Variants in SUMF1 observed in about 807,000 individuals in gnomAD.
SUMF1 encodes formylglycine-generating enzyme.
In SUMF1, 48 loss-of-function variants were observed where a neutral mutation model predicts 47.6. The ratio of observed to expected loss-of-function variants is 1.01; its 90% CI spans 0.80 to 1.28. The LOEUF (loss-of-function observed/expected upper bound fraction) is 1.28. Ranked by LOEUF, SUMF1 falls within the 50% of genes most tolerant of loss-of-function variation. The probability of loss-of-function intolerance (pLI) is 0.00; values close to 1 mark genes in which losing one functional copy is unlikely to be tolerated. For synonymous variants in SUMF1, 230 were observed against 192.1 expected (o/e 1.20, Z -1.63); for missense variants, 571 against 485.4 (o/e 1.18, Z -1.66).
At chr3:4,175,444 G>A (rs961837090) in intron 8 of SUMF1, among the ~76,000 whole-genome samples, 2 of 152,104 alleles carry the variant, frequency 1.3e-5, no homozygotes, top group African/African-American at 4.8e-5. Flanking sequence ...TGCAGCTGAG[G>A]GACCTGACTG....
chr3:4,188,179 CTT>C (rs112944580), intron 8 of SUMF1, among the ~76,000 whole-genome samples: 32 of 144,506 alleles, frequency 2.2e-4, no homozygotes, highest in African/African-American at 4.1e-4. Context: ...TTAGGGTTCA[CTT>C]TTTTTTTTTT....
At chr3:4,354,058 T>G (rs551597124) in intron 8 of SUMF1, among the ~76,000 whole-genome samples, 165 of 152,212 alleles carry the variant, frequency 1.1e-3, no homozygotes, top group Middle Eastern at 3.4e-3. Flanking sequence ...TCTCACTATG[T>G]TGCCTAGGCT....
At chr3:4,146,515 C>T (rs1694196573) in intron 8 of SUMF1, among the ~76,000 whole-genome samples, 2 of 151,932 alleles carry the variant, frequency 1.3e-5, no homozygotes, top group African/African-American at 2.4e-5. Context: ...TTATAGATAG[C>T]ACCAAGACTC....
intron 8 of SUMF1, among the ~76,000 whole-genome samples, chr3:4,137,185 A>C (rs1169128866): frequency 6.6e-6 from 1 of 151,970 alleles, no homozygotes; most frequent in Non-Finnish European, 1.5e-5. Context: ...ATGTTTACTG[A>C]GGCACTATTC....
intron 8 of SUMF1, among the ~76,000 whole-genome samples, chr3:4,211,201 TAC>T (rs559565411): frequency 0.11 from 10,935 of 103,506 alleles, 1,051 homozygotes; most frequent in South Asian, 0.19. Context: ...TATACATACA[TAC>T]ATATATATAT....
chr3:4,181,458 C>T (rs1484464949), intron 8 of SUMF1, among the ~76,000 whole-genome samples: 5 of 152,222 alleles, frequency 3.3e-5, no homozygotes, highest in South Asian at 2.1e-4. Context: ...TTTCAGTCTA[C>T]GTAAAGAGGC....
intron 6 of SUMF1, among the ~76,000 whole-genome samples, chr3:4,412,436 C>A: frequency 6.6e-6 from 1 of 152,056 alleles, no homozygotes; most frequent in Admixed American, 6.5e-5. Context: ...CAAAAGAGAA[C>A]GAAGAGGCCA....
chr3:4,260,064 G>A (rs898525399), intron 8 of SUMF1, among the ~76,000 whole-genome samples: 2 of 151,746 alleles, frequency 1.3e-5, no homozygotes, highest in Admixed American at 6.6e-5. Context: ...CAATAATTCA[G>A]GAATAATGAA....
chr3:4,415,331 C>A (rs1701677358), intron 6 of SUMF1, among the ~76,000 whole-genome samples: 2 of 151,872 alleles, frequency 1.3e-5, no homozygotes, highest in South Asian at 2.1e-4. Context: ...TGGAATGGAG[C>A]TCATTTCAAA....
Position 4,134,747 on chromosome 3 carries a change from G to A in SUMF1, c.1015-66002C>T, listed in dbSNP as rs150859490. ...TAGCAAGACTAATAAAGAAGAAAAG[G>A]GAGAAGAATCAAATAGTGGCAATAA... On this transcript the variant is annotated intron_variant and NMD_transcript_variant, in intron 8 of 12. Transcript: ENST00000448413. Among the ~76,000 whole-genome samples, 1,034 of 151,940 alleles carry A rather than the reference G, an allele frequency of 6.8e-3. 22 individuals are homozygous for A. The highest frequency in any genetic ancestry group is 0.024 in the African/African-American group (994 of 41,434).
chr3:4,227,275 G>A (rs536151942), intron 8 of SUMF1, among the ~76,000 whole-genome samples: 2 of 152,212 alleles, frequency 1.3e-5, no homozygotes, highest in East Asian at 1.9e-4. Flanking sequence ...CTATGTGCCT[G>A]CAACAGGCAC....
At chr3:4,163,848 T>A (rs1190332716) in intron 8 of SUMF1, among the ~76,000 whole-genome samples, 1 of 152,168 alleles carries the variant, frequency 6.6e-6, no homozygotes, top group Non-Finnish European at 1.5e-5. Flanking sequence ...ATCTTATATT[T>A]TTCTATGAAT....
chr3:4,208,262 G>A (rs2587937), intron 8 of SUMF1, among the ~76,000 whole-genome samples: 99,170 of 151,694 alleles, frequency 0.65, 32,565 homozygotes, highest in South Asian at 0.73. Flanking sequence ...CCACCTAAAG[G>A]GTAAGGAGAG....
chr3:4,392,419 T>TA (rs1250959146), intron 7 of SUMF1, among the ~76,000 whole-genome samples: 1 of 152,034 alleles, frequency 6.6e-6, no homozygotes, highest in Non-Finnish European at 1.5e-5. Context: ...ACTTGGGAGT[T>TA]AGTTTTAACT....
chr3:4,303,802 C>G, intron 8 of SUMF1: 1 of 1,404,008 alleles, frequency 7.1e-7, no homozygotes, highest in Non-Finnish European at 9.5e-7. Context: ...CCAGTCCTGT[C>G]CTCAGAACTC....
chr3:4,198,980 T>C (rs529409972), intron 8 of SUMF1, among the ~76,000 whole-genome samples: 30 of 152,306 alleles, frequency 2.0e-4, no homozygotes, highest in African/African-American at 7.2e-4. Context: ...CACTATTTTT[T>C]CTCATTTAAC....
chr3:4,340,284 C>G (rs1471019478), intron 8 of SUMF1, among the ~76,000 whole-genome samples: 2 of 152,146 alleles, frequency 1.3e-5, no homozygotes, highest in Non-Finnish European at 2.9e-5. Flanking sequence ...ACACTGTACC[C>G]ACACAAAGCC....
At chr3:4,285,778 A>C (rs1697621002) in intron 8 of SUMF1, among the ~76,000 whole-genome samples, 1 of 152,174 alleles carries the variant, frequency 6.6e-6, no homozygotes. Context: ...ACAAAGGTTA[A>C]AGTTGATATA....
At chr3:4,114,657 G>C (rs138264221) in intron 8 of SUMF1, among the ~76,000 whole-genome samples, 58 of 152,172 alleles carry the variant, frequency 3.8e-4, no homozygotes, top group African/African-American at 1.2e-3. Context: ...AGTTACTTTG[G>C]GTAAGGAGAG....
Sources: gnomAD v4.1 joint callset for allele counts (sites outside exome capture counted in the v4.1 genomes callset) on GRCh38, gnomAD v4.1.1 for gene constraint, MANE v1.5 for transcripts, NCBI Gene and HGNC (gene_info 2026-07-23, HGNC 2026-07-21) for gene names.